The following TMEM177 variants were observed in gnomAD, a reference collection of about 807,000 sequenced individuals.
The protein encoded by TMEM177 is transmembrane protein 177.
In TMEM177, 4 loss-of-function variants were observed where a neutral mutation model predicts 14.2. That is an observed-to-expected ratio of 0.28 (90% CI 0.14 to 0.64). The LOEUF (loss-of-function observed/expected upper bound fraction) is 0.64, where lower values mean the gene tolerates loss of function less well. Ranked by LOEUF, TMEM177 falls within the 30% of genes least tolerant of loss-of-function variation. TMEM177 has a pLI of 0.82. For missense variants in TMEM177, 344 were observed against 405.2 expected, an observed-to-expected ratio of 0.85 and a Z score of 1.30; for synonymous variants, 179 against 174.5, an observed-to-expected ratio of 1.03 and a Z score of -0.20.
the TMEM177 span, among the ~76,000 whole-genome samples, chr2:119,720,520 T>A: frequency 6.6e-6 from 1 of 151,772 alleles, no homozygotes; most frequent in African/African-American, 2.4e-5. Context: ...TCCGCCCACC[T>A]CGGCCTCCCA....
the TMEM177 span, among the ~76,000 whole-genome samples, chr2:119,715,757 C>G: frequency 6.6e-6 from 1 of 152,360 alleles, no homozygotes; most frequent in East Asian, 1.9e-4. Context: ...CCTCTGCTTT[C>G]TTGTCGTTTC....
rs1189128645 is a variant in TMEM177 at position 119,682,072 on chromosome 2, G to A, written c.*283G>A. ...GAGTTGGGTAAGGTCATGAACATAA[G>A]GGCCTGGCACAAAGGGTGCACTGTA... On this transcript the variant is annotated 3_prime_UTR_variant, in exon 2 of 2. Transcript: ENST00000272521. 7.7e-6 allele frequency: 3 copies of A among 387,586 alleles called. No individual in the cohort carries two copies. The highest frequency in any genetic ancestry group is 6.1e-5 in the African/African-American group (3 of 49,160). The allele number at this position is 387,586 out of a possible 1,614,324, so 24.0% of individuals were successfully genotyped here.
the TMEM177 span, among the ~76,000 whole-genome samples, chr2:119,706,020 T>TATATTATATATTATATATTG: frequency 1.5e-4 from 2 of 13,448 alleles, no homozygotes; most frequent in Admixed American, 1.8e-3. Flanking sequence ...ATTATATATA[T>TATATTATATATTATATATTG]TTATATATAT....
At chr2:119,685,740 G>A (rs558876342), downstream of TMEM177, 24 of 717,910 alleles carry the variant, frequency 3.3e-5, no homozygotes, top group African/African-American at 3.5e-4. Context: ...TTTGAAGCTG[G>A]CAGTCTGGTT....
At chr2:119,685,462 C>T (rs1334715472), downstream of TMEM177, among the ~76,000 whole-genome samples, 2 of 150,782 alleles carry the variant, frequency 1.3e-5, no homozygotes, top group Admixed American at 1.3e-4. Flanking sequence ...GTGTAGATCA[C>T]AGGCTGAGTT....
chr2:119,710,658 G>A, the TMEM177 span, among the ~76,000 whole-genome samples: 1 of 151,550 alleles, frequency 6.6e-6, no homozygotes, highest in South Asian at 2.1e-4. Context: ...CACCCAGGCT[G>A]GAGTGCAGTG....
chr2:119,698,262 G>A, the TMEM177 span, among the ~76,000 whole-genome samples: 1 of 152,266 alleles, frequency 6.6e-6, no homozygotes, highest in South Asian at 2.1e-4. Context: ...TCCTAGGAAG[G>A]GGGTCAAAGT....
At chr2:119,685,680 T>C, downstream of TMEM177, 1 of 717,854 alleles carries the variant, frequency 1.4e-6, no homozygotes, top group South Asian at 1.5e-5. Flanking sequence ...CACAGAAAGG[T>C]GAAGAAATTT....
the TMEM177 span, among the ~76,000 whole-genome samples, chr2:119,709,915 G>C: frequency 6.6e-6 from 1 of 152,170 alleles, no homozygotes; most frequent in Non-Finnish European, 1.5e-5. Flanking sequence ...AGACCCAAAA[G>C]AAAGATGTCA....
At chr2:119,691,303 G>A (rs1689090877), downstream of TMEM177, among the ~76,000 whole-genome samples, 4 of 152,154 alleles carry the variant, frequency 2.6e-5, no homozygotes, top group Admixed American at 2.6e-4. Flanking sequence ...CAGCCCCTGG[G>A]GTTGGTTTGA....
chr2:119,689,088 T>C (rs557856022), downstream of TMEM177, among the ~76,000 whole-genome samples: 6 of 152,340 alleles, frequency 3.9e-5, no homozygotes, highest in East Asian at 7.7e-4. Context: ...ACACCTGTAC[T>C]GTGGTCTGAA....
At chr2:119,709,790 G>A in the TMEM177 span, among the ~76,000 whole-genome samples, 1 of 152,238 alleles carries the variant, frequency 6.6e-6, no homozygotes, top group Admixed American at 6.5e-5. Context: ...GCGCCACTGC[G>A]CTCCAGTCTG....
At chr2:119,718,072 G>A in the TMEM177 span, among the ~76,000 whole-genome samples, 2 of 152,150 alleles carry the variant, frequency 1.3e-5, no homozygotes, top group Non-Finnish European at 2.9e-5. Context: ...ATAGGGGTCT[G>A]AGTAAGCTGA....
At chr2:119,682,125 CG>C (rs1688924070), downstream of TMEM177, 1 of 80,468 alleles carries the variant, frequency 1.2e-5, no homozygotes, top group South Asian at 5.2e-4. Flanking sequence ...CCTTCTTGGT[CG>C]TTTTTTTTTT....
the TMEM177 span, among the ~76,000 whole-genome samples, chr2:119,696,023 G>A: frequency 1.3e-5 from 2 of 152,216 alleles, no homozygotes; most frequent in South Asian, 2.1e-4. Flanking sequence ...CCCTGAGTCT[G>A]TGGGCAAGCT....
chr2:119,722,789 G>T, the TMEM177 span, among the ~76,000 whole-genome samples: 1 of 152,228 alleles, frequency 6.6e-6, no homozygotes, highest in South Asian at 2.1e-4. Flanking sequence ...GCCGGGCATG[G>T]TGCTTGGCAC....
the TMEM177 span, among the ~76,000 whole-genome samples, chr2:119,692,913 A>G: frequency 7.1e-6 from 1 of 141,142 alleles, no homozygotes; most frequent in Non-Finnish European, 1.5e-5. Flanking sequence ...CAGAGGTTGC[A>G]GTGAGCCGAG....
chr2:119,721,368 C>A, the TMEM177 span, among the ~76,000 whole-genome samples: 1 of 152,208 alleles, frequency 6.6e-6, no homozygotes, highest in Non-Finnish European at 1.5e-5. Flanking sequence ...TGGCCCAATT[C>A]CATGGGGAGA....
chr2:119,711,454 C>T, the TMEM177 span, among the ~76,000 whole-genome samples: 1 of 152,116 alleles, frequency 6.6e-6, no homozygotes, highest in African/African-American at 2.4e-5. Context: ...GCCCCTGGCA[C>T]GTAGGCAGTC....
Sources: gnomAD v4.1 joint callset for allele counts (sites outside exome capture counted in the v4.1 genomes callset) on GRCh38, gnomAD v4.1.1 for gene constraint, MANE v1.5 for transcripts, NCBI Gene and HGNC (gene_info 2026-07-23, HGNC 2026-07-21) for gene names.